MYO10: variants seen among roughly 807,000 people sequenced by gnomAD.
MYO10 encodes myosin X, also known as unconventional myosin-X.
MYO10 carries 133 observed loss-of-function variants against 257.3 expected under a neutral mutation model. The observed-to-expected ratio is 0.52, with a 90% CI of 0.45 to 0.60. The LOEUF is 0.60. Ranked by LOEUF, MYO10 falls within the 20% of genes least tolerant of loss-of-function variation. MYO10 has a pLI of 0.00. For missense variants in MYO10, 2,399 were observed against 2,635.7 expected, an observed-to-expected ratio of 0.91 and a Z score of 1.97; for synonymous variants, 1,104 against 1,028.6, an observed-to-expected ratio of 1.07 and a Z score of -1.40.
rs752962910 is a variant in MYO10 at position 16,674,924 on chromosome 5, G to T, written c.4893C>A (p.Ile1631=). Residue 1631 remains isoleucine (I), a synonymous_variant, in exon 35 of 41, where the codon ATC becomes ATA. Coordinates refer to ENST00000513610, the MANE Select transcript of MYO10 (RefSeq NM_012334.3). Reference sequence around the variant, plus strand: ...GGAAGGTGCAGCTCAGGCATGTCAGGATCTGCCAGCTGTACAGGTTGCCCA... The same window carrying T: ...GGAAGGTGCAGCTCAGGCATGTCAGTATCTGCCAGCTGTACAGGTTGCCCA... The part of the protein sequence containing the change: ...GSVGNLYSWQ[I]LTCLSCTFLP... 8.1e-6 allele frequency: 13 copies of T among 1,614,006 alleles called. No individual in the cohort carries two copies. The highest frequency in any genetic ancestry group is 1.1e-5 in the Non-Finnish European group (13 of 1,179,894).
intron 3 of MYO10, among the ~76,000 whole-genome samples, chr5:16,805,094 G>A (rs570180297): frequency 1.3e-5 from 2 of 152,260 alleles, no homozygotes; most frequent in African/African-American, 4.8e-5. Context: ...AACATGTAAC[G>A]TGAGTAAAAA....
At chr5:16,755,666 A>C (rs896052413) in intron 18 of MYO10, among the ~76,000 whole-genome samples, 2 of 151,698 alleles carry the variant, frequency 1.3e-5, no homozygotes, top group African/African-American at 4.8e-5. Flanking sequence ...CTTACCTTCA[A>C]ATCGCCAGAC....
intron 2 of MYO10, among the ~76,000 whole-genome samples, chr5:16,864,001 G>A (rs1744174843): frequency 6.6e-6 from 1 of 152,182 alleles, no homozygotes. Context: ...GGCAGACTGA[G>A]GTGGGGGGAT....
chr5:16,668,370 G>A lies in MYO10; in HGVS notation c.5982C>T (p.Phe1994=). 6.2e-7 allele frequency: 1 copy of A among 1,613,962 alleles called. No homozygotes were observed. The highest frequency in any genetic ancestry group is 8.5e-7 in the Non-Finnish European group (1 of 1,179,868). ...KRGEGRPLEV[F]QYEHILSFGA... ...CAAAAGAGAGGATGTGTTCATACTG[G>A]AAGACTTCCAGTGGTCTTCCCTCTC... The change falls in exon 40 of 41, where the codon TTC becomes TTT. Residue 1994 remains phenylalanine (F), a synonymous_variant. Transcript: ENST00000513610.
intron 27 of MYO10, among the ~76,000 whole-genome samples, chr5:16,691,833 C>G (rs571409503): frequency 6.6e-6 from 1 of 152,108 alleles, no homozygotes; most frequent in South Asian, 2.1e-4. Context: ...AACCTGAACT[C>G]GATCACTCTC....
intron 4 of MYO10, among the ~76,000 whole-genome samples, chr5:16,790,109 C>T (rs762427633): frequency 1.3e-5 from 2 of 151,888 alleles, no homozygotes; most frequent in Non-Finnish European, 2.9e-5. Context: ...AACACTATCA[C>T]CTCTAAATGT....
At position 16,754,836 on chromosome 5, in the gene MYO10, T is replaced by G. The variant is rs756132662; in HGVS notation, c.1921A>C (p.Met641Leu). The G allele has an allele frequency of 6.9e-6, 11 of 1,601,808 alleles. No individual in the cohort carries two copies. The African/African-American group carries it at 1.5e-4, about 21-fold the overall frequency. Residue 641 changes from methionine (M) to leucine (L), a missense_variant, in exon 19 of 41, where the codon ATG (methionine) becomes CTG (leucine). Physicochemically the swap from Met to Leu is conservative, Grantham distance 15. This residue lies in a region of MYO10 where 1,820 missense variants were observed against 1,939.4 expected (regional missense o/e 0.94). Transcript: ENST00000513610. ...ACTGTCATCAATCTTACCTTCTGCA[T>G]GTTTGGCTTGATACAGCGAACAAAG... Reference protein sequence around the residue: ...PFFVRCIKPNMQKMPDQFDQA... With the variant: ...PFFVRCIKPNLQKMPDQFDQA...
At chr5:16,680,135 C>A (rs150097459) in intron 32 of MYO10, 31 bp from the exon 33 acceptor site, 4 of 1,593,432 alleles carry the variant, frequency 2.5e-6, no homozygotes, top group Middle Eastern at 2.0e-4. Context: ...AGCACACGCA[C>A]GTCAACGCCA....
intron 2 of MYO10, among the ~76,000 whole-genome samples, chr5:16,827,578 C>A (rs1449619751): frequency 6.6e-6 from 1 of 152,156 alleles, no homozygotes; most frequent in Non-Finnish European, 1.5e-5. Flanking sequence ...TGAGCCACTG[C>A]GCCCAGCCAA....
chr5:16,778,191 G>C (rs1741280480), intron 9 of MYO10, among the ~76,000 whole-genome samples: 1 of 152,032 alleles, frequency 6.6e-6, no homozygotes, highest in Non-Finnish European at 1.5e-5. Flanking sequence ...AAGAACTTAA[G>C]ATCACAGTGA....
At chr5:16,697,799 A>G (rs200330185) in intron 26 of MYO10, among the ~76,000 whole-genome samples, 2 of 138,892 alleles carry the variant, frequency 1.4e-5, no homozygotes, top group Non-Finnish European at 3.1e-5. Flanking sequence ...AAAAAGGAAG[A>G]AGACAAATTT....
chr5:16,789,569 T>C (rs173787), intron 4 of MYO10, among the ~76,000 whole-genome samples: 63,821 of 151,902 alleles, frequency 0.42, 13,626 homozygotes, highest in Non-Finnish European at 0.45. Context: ...AGGCAGATCA[T>C]TTGAGGTCAG....
chr5:16,758,132 T>C lies in MYO10; in HGVS notation c.1834A>G (p.Ser612Gly), dbSNP rs995242510. The change falls in exon 18 of 41, where the codon AGC becomes GGC. Residue 612 changes from serine (S) to glycine (G), a missense_variant. Physicochemically the swap from Ser to Gly is moderately conservative, Grantham distance 56. Transcript: ENST00000513610. ...CGSKHRRPTV[S>G]SQFKDSLHSL... Reference sequence around the variant, plus strand: ...TGAAAACGAACCTTGAACTGTGAGCTGACTGTAGGCCGCCGATGTTTGCTT... The same window carrying C: ...TGAAAACGAACCTTGAACTGTGAGCCGACTGTAGGCCGCCGATGTTTGCTT... 2 of 1,610,556 alleles carry C rather than the reference T, an allele frequency of 1.2e-6. No individual in the cohort carries two copies. Among genetic ancestry groups the C allele is most frequent in the Non-Finnish European group, 1.7e-6 (2 of 1,176,742 alleles).
chr5:16,668,233 T>C (rs1736267408), intron 40 of MYO10, 44 bp downstream of exon 40: 2 of 1,548,970 alleles, frequency 1.3e-6, no homozygotes, highest in East Asian at 2.3e-5. Context: ...TTTTCTGTTT[T>C]GTCAAGACCA....
At chr5:16,774,409 T>TTA (rs1370553992) in intron 9 of MYO10, among the ~76,000 whole-genome samples, 3 of 152,078 alleles carry the variant, frequency 2.0e-5, no homozygotes, top group African/African-American at 4.8e-5. Flanking sequence ...ATCATGTTAC[T>TTA]TATTTATTTA....
At chr5:16,674,723 T>G (rs1736641983) in intron 35 of MYO10, 130 bp downstream of exon 35, 1 of 1,062,882 alleles carries the variant, frequency 9.4e-7, no homozygotes, top group Middle Eastern at 3.1e-4. Flanking sequence ...AACCCACAAG[T>G]CTGACCCAGA....
Position 16,666,538 on chromosome 5 carries a change from A to C in MYO10, c.*154T>G, listed in dbSNP as rs1441607639. 2 of 610,340 alleles carry C rather than the reference A, an allele frequency of 3.3e-6. No homozygotes were observed. Among genetic ancestry groups the C allele is most frequent in the African/African-American group, 1.9e-5 (1 of 53,478 alleles). 37.8% of individuals were successfully genotyped at this position (610,340 alleles called of 1,614,324 possible). A position where few individuals can be genotyped will look rare whatever the true frequency, so the allele number is the denominator to read the frequency against. ...ACAGGATCAATGAAGGCGGCAGGCA[A>C]AAGGATCCTCGGAGACACCTCCCTC... On this transcript the variant is annotated 3_prime_UTR_variant, in exon 41 of 41. Coordinates refer to ENST00000513610, the MANE Select transcript of MYO10 (RefSeq NM_012334.3).
At chr5:16,843,542 G>A (rs1743545919) in intron 2 of MYO10, among the ~76,000 whole-genome samples, 1 of 152,152 alleles carries the variant, frequency 6.6e-6, no homozygotes, top group African/African-American at 2.4e-5. Context: ...CCAAGTGTTG[G>A]AACAGGTCAG....
At chr5:16,686,176 C>T (rs191019437) in intron 28 of MYO10, among the ~76,000 whole-genome samples, 1 of 152,246 alleles carries the variant, frequency 6.6e-6, no homozygotes, top group Admixed American at 6.5e-5. Context: ...ACCCAAAATA[C>T]TTATATCAAG....
Sources: allele counts gnomAD v4.1 joint callset (sites outside exome capture counted in the v4.1 genomes callset), GRCh38; gene constraint gnomAD v4.1.1; regional missense constraint gnomAD v4.1.1; transcripts MANE v1.5; gene names NCBI Gene and HGNC (gene_info 2026-07-23, HGNC 2026-07-21).